The following GNL1 variants were observed in gnomAD, a reference collection of about 807,000 sequenced individuals.
GNL1 encodes the protein guanine nucleotide-binding protein-like 1.
A neutral mutation model predicts 75.2 loss-of-function variants in GNL1; 21 were observed. The ratio of observed to expected loss-of-function variants is 0.28; its 90% CI spans 0.20 to 0.40. The LOEUF (loss-of-function observed/expected upper bound fraction) is 0.40, where lower values mean the gene tolerates loss of function less well. GNL1 is among the 10% of genes least tolerant of loss of function. The pLI is 1.00. For synonymous variants in GNL1, 287 were observed against 303.4 expected, an observed-to-expected ratio of 0.95 and a Z score of 0.56; for missense variants, 579 against 775.0, an observed-to-expected ratio of 0.75 and a Z score of 3.00.
Position 30,556,161 on chromosome 6 carries a change from G to GCTT in GNL1, c.40_42dup (p.Lys14dup). Reference sequence around the variant, plus strand: ...TTCCGCTCCCGTTTGTCCTGCAACTGCTTCTTCTTCTGCTTCACGCTGAAT... The same window carrying GCTT: ...TTCCGCTCCCGTTTGTCCTGCAACTGCTTCTTCTTCTTCTGCTTCACGCTGAAT... On this transcript the variant is annotated inframe_insertion, in exon 1 of 12. Transcript: ENST00000376621. The surrounding 1 kb of genome is among the most constrained non-coding windows in gnomAD (Gnocchi z 5.7). 1 of 1,600,692 alleles carries GCTT rather than the reference G, an allele frequency of 6.2e-7. No homozygotes were observed. Among genetic ancestry groups the GCTT allele is most frequent in the Non-Finnish European group, 8.5e-7 (1 of 1,175,018 alleles).
chr6:30,554,962 C>T, intron 3 of GNL1, 47 bp from the exon 4 acceptor site: 3 of 1,610,860 alleles, frequency 1.9e-6, no homozygotes, highest in Non-Finnish European at 2.5e-6. Flanking sequence ...CTTCAGGATT[C>T]AAGAGTACAT....
chr6:30,552,724 AC>A lies in GNL1; in HGVS notation c.905-64del. 1.2e-5 allele frequency: 17 copies of A among 1,414,358 alleles called. No individual in the cohort carries two copies. The highest frequency in any genetic ancestry group is 2.3e-5 in the East Asian group (1 of 43,684). The allele number at this position is 1,414,358 out of a possible 1,614,324, so 87.6% of individuals were successfully genotyped here. On this transcript the variant is annotated intron_variant, in intron 7 of 11. Transcript: ENST00000376621. The surrounding 1 kb of genome is among the most constrained non-coding windows in gnomAD (Gnocchi z 4.5). ...AGGGCTGCTGTGCATGATGGCACAT[AC>A]TGTGCCCTGCACAGATTATGTAACT...
Position 30,546,381 on chromosome 6 carries a change from G to A in GNL1, c.1583-68C>T, listed in dbSNP as rs557768357. 2.8e-5 allele frequency: 26 copies of A among 937,872 alleles called. No individual in the cohort carries two copies. The highest frequency in any genetic ancestry group is 4.0e-5 in the Non-Finnish European group (24 of 606,720). The allele number at this position is 937,872 out of a possible 1,614,324, so 58.1% of individuals were successfully genotyped here. ...CAAGAACTAAAGCCAAGGAAAGATG[G>A]GGAAGAGGCAAAGACTAGGAATAAC... On this transcript the variant is annotated intron_variant, in intron 11 of 11. Transcript: ENST00000376621. This position sits in a 1 kb window ranked among gnomAD's most constrained non-coding sequence, Gnocchi z 5.1.
chr6:30,554,812 A>G lies in GNL1; in HGVS notation c.480T>C (p.His160=). The change falls in exon 4 of 12, where the codon CAT becomes CAC. Residue 160 remains histidine, a synonymous_variant. Transcript: ENST00000376621. ...TGAGTTTCTCAGAGGAGTAAGCCCC[A>G]TGAATCTTCCCAAGATAGTCTTGGA... is the stretch of plus-strand genomic sequence containing the variant. ...RSFQDYLGKI[H]GAYSSEKLSY... 1 of 1,612,904 alleles carries G rather than the reference A, an allele frequency of 6.2e-7. No homozygotes were observed.
At position 30,546,208 on chromosome 6, in the gene GNL1, G is replaced by A; in HGVS notation, c.1688C>T (p.Ser563Phe). 1 of 1,549,156 alleles carries A rather than the reference G, an allele frequency of 6.5e-7. No individual in the cohort carries two copies. ...GTCCTCCTCTCCCTCCTCCTCACAG[G>A]AGCTGCTCAGCTCTTCCTCTTCCTC... Reference protein sequence around the residue: ...EEEEEEELSSSCEEEGEEDRD... With the variant: ...EEEEEEELSSFCEEEGEEDRD... Residue 563 changes from serine to phenylalanine, a missense_variant, in exon 12 of 12, where the codon TCC becomes TTC. Coordinates refer to ENST00000376621, the MANE Select transcript of GNL1 (RefSeq NM_005275.5). The surrounding 1 kb of genome is among the most constrained non-coding windows in gnomAD (Gnocchi z 5.1).
intron 8 of GNL1, among the ~76,000 whole-genome samples, chr6:30,549,780 CTCCAACTATT>C (rs1799658414): frequency 1.3e-5 from 2 of 151,642 alleles, no homozygotes; most frequent in African/African-American, 4.9e-5. Context: ...ACCTCCTCTT[CTCCAACTATT>C]TCCTTTCTCT....
At chr6:30,551,231 G>A (rs975092210) in intron 8 of GNL1, among the ~76,000 whole-genome samples, 4 of 152,184 alleles carry the variant, frequency 2.6e-5, no homozygotes, top group Admixed American at 6.5e-5. Context: ...ATAGAGATCA[G>A]CTAGAGCAGA....
At position 30,542,423 on chromosome 6, in the gene GNL1, CT is replaced by C. The variant is rs1799220498; in HGVS notation, c.*3648del. 1 of 152,460 alleles carries C rather than the reference CT, an allele frequency of 6.6e-6. No individual in the cohort carries two copies. The highest frequency in any genetic ancestry group is 6.6e-5 in the Admixed American group (1 of 15,258). The allele number at this position is 152,460 out of a possible 1,614,324, so 9.4% of individuals were successfully genotyped here. A position where few individuals can be genotyped will look rare whatever the true frequency, so the allele number is the denominator to read the frequency against. On this transcript the variant is annotated 3_prime_UTR_variant, in exon 12 of 12. Coordinates refer to ENST00000376621, the MANE Select transcript of GNL1 (RefSeq NM_005275.5). The surrounding 1 kb of genome is among the most constrained non-coding windows in gnomAD (Gnocchi z 4.5). ...CCTCAGCCTTCTCTGCTCCCCACACCTATATGTTGATGATGCCCAAATCTCT... is the reference window on the plus strand; with the variant it reads ...CCTCAGCCTTCTCTGCTCCCCACACCATATGTTGATGATGCCCAAATCTCT...
Position 30,546,586 on chromosome 6 carries a change from G to A in GNL1, c.1582+110C>T. Reference sequence around the variant, plus strand: ...AATATCACAGATGTTAAGTAACAGAGCTAGCCAACAGGTACAGAATCCAGG... The same window carrying A: ...AATATCACAGATGTTAAGTAACAGAACTAGCCAACAGGTACAGAATCCAGG... On this transcript the variant is annotated intron_variant, in intron 11 of 11. Coordinates refer to ENST00000376621, the MANE Select transcript of GNL1 (RefSeq NM_005275.5). The surrounding 1 kb of genome is among the most constrained non-coding windows in gnomAD (Gnocchi z 5.1). The A allele has an allele frequency of 1.1e-6, 1 of 886,388 alleles. No homozygotes were observed. Among genetic ancestry groups the A allele is most frequent in the Non-Finnish European group, 1.8e-6 (1 of 561,598 alleles). 54.9% of individuals were successfully genotyped at this position (886,388 alleles called of 1,614,324 possible).
chr6:30,552,548 G>C lies in GNL1; in HGVS notation c.1018C>G (p.Gln340Glu). The change falls in exon 8 of 12, where the codon CAG becomes GAG. Residue 340 changes from glutamine (Q) to glutamate (E), a missense_variant. Transcript: ENST00000376621. The surrounding 1 kb of genome is among the most constrained non-coding windows in gnomAD (Gnocchi z 4.5). Reference protein sequence around the residue: ...EEDGPAVLVEQQTDSAMEPTG... With the variant: ...EEDGPAVLVEEQTDSAMEPTG... ...GGCTCCATTGCTGAATCAGTCTGCT[G>C]CTCCACCAGGACTGCTGGGCCATCC... 1 of 1,614,056 alleles carries C rather than the reference G, an allele frequency of 6.2e-7. No homozygotes were observed. Among genetic ancestry groups the C allele is most frequent in the Non-Finnish European group, 8.5e-7 (1 of 1,179,976 alleles).
At position 30,542,140 on chromosome 6, in the gene GNL1, A is replaced by T. The variant is rs1345066093; in HGVS notation, c.*3932T>A. On this transcript the variant is annotated 3_prime_UTR_variant, in exon 12 of 12. Coordinates refer to ENST00000376621, the MANE Select transcript of GNL1 (RefSeq NM_005275.5). This position sits in a 1 kb window ranked among gnomAD's most constrained non-coding sequence, Gnocchi z 4.5. ...TCCACTGCCTTTACGCTTTTCCTCC[A>T]AATTATTCCTTAACCCTCTGACATC... is the stretch of plus-strand genomic sequence containing the variant. 1 of 151,716 alleles carries T rather than the reference A, an allele frequency of 6.6e-6. No homozygotes were observed. Among genetic ancestry groups the T allele is most frequent in the Non-Finnish European group, 1.5e-5 (1 of 67,938 alleles). The allele number at this position is 151,716 out of a possible 1,614,324, so 9.4% of individuals were successfully genotyped here. A position where few individuals can be genotyped will look rare whatever the true frequency, so the allele number is the denominator to read the frequency against.
In GNL1 at chr6:30,552,407, C is replaced by A; in HGVS notation, c.1099+60G>T. 1 of 1,418,220 alleles carries A rather than the reference C, an allele frequency of 7.1e-7. No homozygotes were observed. Among genetic ancestry groups the A allele is most frequent in the South Asian group, 1.2e-5 (1 of 80,148 alleles). The allele number at this position is 1,418,220 out of a possible 1,614,324, so 87.9% of individuals were successfully genotyped here. On this transcript the variant is annotated intron_variant, in intron 8 of 11. Coordinates refer to ENST00000376621, the MANE Select transcript of GNL1 (RefSeq NM_005275.5). This position sits in a 1 kb window ranked among gnomAD's most constrained non-coding sequence, Gnocchi z 4.5. ...AGACCTGATCGCCCTCTCTCTTCTC[C>A]GAATATGAAAACTCTGTACCTCCTT... is the stretch of plus-strand genomic sequence containing the variant.
chr6:30,548,361 C>T lies in GNL1; in HGVS notation c.1100-831G>A, dbSNP rs1169718860. ...TCAGCTGCCCACTCCCATGGTAATA[C>T]CTGCATCTTGTCACTTCACAGCTCC... On this transcript the variant is annotated intron_variant, in intron 8 of 11. Transcript: ENST00000376621. This position sits in a 1 kb window ranked among gnomAD's most constrained non-coding sequence, Gnocchi z 4.2. Among the ~76,000 whole-genome samples, 1 of 152,010 alleles carries T rather than the reference C, an allele frequency of 6.6e-6. No homozygotes were observed. The highest frequency in any genetic ancestry group is 6.6e-5 in the Admixed American group (1 of 15,244).
intron 8 of GNL1, among the ~76,000 whole-genome samples, chr6:30,551,836 C>A (rs1256526302): frequency 2.0e-5 from 3 of 152,118 alleles, no homozygotes; most frequent in African/African-American, 4.8e-5. Flanking sequence ...CATTCTTACA[C>A]TCTCTTAACA....
In GNL1 at chr6:30,546,181, C is replaced by T. The variant is rs772039435; in HGVS notation, c.1715G>A (p.Arg572Gln). 5.2e-6 allele frequency: 8 copies of T among 1,549,696 alleles called. No individual in the cohort carries two copies. Among genetic ancestry groups the T allele is most frequent in the Non-Finnish European group, 6.1e-6 (7 of 1,140,364 alleles). ...SSCEEEGEED[R>Q]DADEEGEGDE... ...CCCTTCTCCCTCCTCATCCGCATCC[C>T]GGTCCTCCTCTCCCTCCTCCTCACA... Residue 572 changes from arginine (R) to glutamine (Q), a missense_variant, in exon 12 of 12, where the codon CGG becomes CAG. Coordinates refer to ENST00000376621, the MANE Select transcript of GNL1 (RefSeq NM_005275.5). This position sits in a 1 kb window ranked among gnomAD's most constrained non-coding sequence, Gnocchi z 5.1.
In GNL1 at chr6:30,554,561, T is replaced by C. The variant is rs773645248; in HGVS notation, c.600+14A>G. 6.6e-7 allele frequency: 1 copy of C among 1,521,450 alleles called. No homozygotes were observed. The highest frequency in any genetic ancestry group is 1.1e-5 in the South Asian group (1 of 89,324). 94.2% of individuals were successfully genotyped at this position (1,521,450 alleles called of 1,614,324 possible). On this transcript the variant is annotated intron_variant, in intron 5 of 11. Transcript: ENST00000376621. ...TCTCCCTCCTCCTTGCCCACCCTTA[T>C]CCCTAGTACTCACTGGATGTCGGAT...
chr6:30,550,171 C>T (rs1799685651), intron 8 of GNL1, among the ~76,000 whole-genome samples: 1 of 152,146 alleles, frequency 6.6e-6, no homozygotes, highest in Admixed American at 6.5e-5. Context: ...AATGGTTCCC[C>T]AAATTTAAAT....
chr6:30,545,911 C>T lies in GNL1; in HGVS notation c.*161G>A, dbSNP rs866566982. The T allele has an allele frequency of 1.6e-6, 1 of 611,318 alleles. No individual in the cohort carries two copies. The highest frequency in any genetic ancestry group is 2.0e-5 in the African/African-American group (1 of 51,218). 37.9% of individuals were successfully genotyped at this position (611,318 alleles called of 1,614,324 possible). A position where few individuals can be genotyped will look rare whatever the true frequency, so the allele number is the denominator to read the frequency against. The stretch of plus-strand genomic sequence containing the variant: ...GGGAGAAGAGGAGAGAAGCCTCCCA[C>T]AGCTGTTAGCCTGGAACAGCCGCTC... On this transcript the variant is annotated 3_prime_UTR_variant, in exon 12 of 12. Coordinates refer to ENST00000376621, the MANE Select transcript of GNL1 (RefSeq NM_005275.5).
chr6:30,545,651 A>T lies in GNL1; in HGVS notation c.*421T>A. On this transcript the variant is annotated 3_prime_UTR_variant, in exon 12 of 12. Coordinates refer to ENST00000376621, the MANE Select transcript of GNL1 (RefSeq NM_005275.5). Reference sequence around the variant, plus strand: ...CTCTCTTACTGTTCCTTCTCCCAGAAGCTCCTGGAATGAGCAGGTCTGGCG... The same window carrying T: ...CTCTCTTACTGTTCCTTCTCCCAGATGCTCCTGGAATGAGCAGGTCTGGCG... 4.8e-6 allele frequency: 1 copy of T among 209,072 alleles called. No homozygotes were observed. Among genetic ancestry groups the T allele is most frequent in the Non-Finnish European group, 9.5e-6 (1 of 105,522 alleles). The allele number at this position is 209,072 out of a possible 1,614,324, so 13.0% of individuals were successfully genotyped here. A position where few individuals can be genotyped will look rare whatever the true frequency, so the allele number is the denominator to read the frequency against.
Sources: gnomAD v4.1 joint callset for allele counts (sites outside exome capture counted in the v4.1 genomes callset) on GRCh38, gnomAD v4.1.1 for gene constraint, Gnocchi (gnomAD v3.1) non-coding constraint, MANE v1.5 for transcripts, NCBI Gene and HGNC (gene_info 2026-07-23, HGNC 2026-07-21) for gene names.